Variants in LINGO2 observed in about 807,000 individuals in gnomAD.
The protein encoded by LINGO2 is leucine-rich repeat and immunoglobulin-like domain-containing nogo receptor-interacting protein 2.
In LINGO2, 14 loss-of-function variants were observed where a neutral mutation model predicts 30.6. That is an observed-to-expected ratio of 0.46 (90% CI 0.30 to 0.72). The LOEUF (loss-of-function observed/expected upper bound fraction) is 0.72. Ranked by LOEUF, LINGO2 falls within the 30% of genes least tolerant of loss-of-function variation. The pLI, the probability that LINGO2 is intolerant of heterozygous loss-of-function variation, is 0.07. For missense variants in LINGO2, 729 were observed against 751.7 expected (o/e 0.97, Z 0.35); for synonymous variants, 317 against 288.5 (o/e 1.10, Z -1.00).
rs1298499442 is a variant in LINGO2, at chr9:28,482,171, T to C, written c.-364-6146A>G. ...GGATGGCTGGGTCAAATGGTATTTC[T>C]AGTTCTAGATCCCTGAGGAATCGCC... On this transcript the variant is annotated intron_variant, in intron 1 of 5. Coordinates refer to ENST00000379992, the Ensembl canonical transcript of LINGO2. 2.6e-5 allele frequency among the ~76,000 whole-genome samples: 4 copies of C among 152,010 alleles called. No individual in the cohort carries two copies. The South Asian group carries it at 6.2e-4, about 24-fold the overall frequency.
intron 4 of LINGO2, among the ~76,000 whole-genome samples, chr9:28,281,291 T>C (rs1485700601): frequency 6.6e-6 from 1 of 152,128 alleles, no homozygotes; most frequent in Non-Finnish European, 1.5e-5. Flanking sequence ...TCCAATATTT[T>C]AATGTAGTAT....
intron 4 of LINGO2, among the ~76,000 whole-genome samples, chr9:28,241,820 G>A (rs985257596): frequency 6.6e-6 from 1 of 152,076 alleles, no homozygotes; most frequent in African/African-American, 2.4e-5. Flanking sequence ...ACATCTCCAG[G>A]CATGGAAGTA....
At chr9:28,791,179 G>A in the LINGO2 span, among the ~76,000 whole-genome samples, 24 of 152,000 alleles carry the variant, frequency 1.6e-4, no homozygotes, top group Admixed American at 1.2e-3. Flanking sequence ...GAAAGTGGGC[G>A]AGAGTAAGGT....
intron 4 of LINGO2, among the ~76,000 whole-genome samples, chr9:28,228,315 C>T (rs1038558182): frequency 1.3e-5 from 2 of 151,964 alleles, no homozygotes; most frequent in African/African-American, 2.4e-5. Context: ...GAGAGATCAA[C>T]ATTTTACCCA....
At chr9:28,172,132 C>A (rs1408657361) in intron 4 of LINGO2, among the ~76,000 whole-genome samples, 1 of 151,318 alleles carries the variant, frequency 6.6e-6, no homozygotes, top group Non-Finnish European at 1.5e-5. Context: ...TGGCTCACGC[C>A]TGTAATCCCA....
At chr9:28,598,898 C>A (rs1404999563) in intron 1 of LINGO2, 1 of 152,210 alleles carries the variant, frequency 6.6e-6, no homozygotes, top group East Asian at 1.9e-4. Context: ...GGATCAAGAG[C>A]AAATTCAGTC....
chr9:29,140,972 A>G, the LINGO2 span, among the ~76,000 whole-genome samples: 1 of 152,036 alleles, frequency 6.6e-6, no homozygotes, highest in Non-Finnish European at 1.5e-5. Context: ...ATGTGCCCAG[A>G]AAAACATAGG....
chr9:28,073,785 T>C (rs774671231), intron 4 of LINGO2, among the ~76,000 whole-genome samples: 3 of 152,144 alleles, frequency 2.0e-5, no homozygotes, highest in Admixed American at 6.6e-5. Context: ...CCCAGCCCTT[T>C]GGGGAGCTGA....
At chr9:28,672,793 T>G (rs890946974), upstream of LINGO2, among the ~76,000 whole-genome samples, 22 of 152,264 alleles carry the variant, frequency 1.4e-4, 1 homozygote, top group African/African-American at 5.1e-4. Flanking sequence ...ATGATCATAT[T>G]TATAGATCAG....
the LINGO2 span, among the ~76,000 whole-genome samples, chr9:28,950,681 G>C: frequency 1.3e-5 from 2 of 152,102 alleles, no homozygotes; most frequent in Admixed American, 6.6e-5. Flanking sequence ...AGGAATACAA[G>C]TTACAAGGGA....
chr9:28,387,935 G>A (rs1267297278), intron 2 of LINGO2, among the ~76,000 whole-genome samples: 1 of 152,126 alleles, frequency 6.6e-6, no homozygotes, highest in Non-Finnish European at 1.5e-5. Context: ...CACTCACGGC[G>A]AGGGTCTGCA....
intron 1 of LINGO2, among the ~76,000 whole-genome samples, chr9:28,506,025 G>A (rs920910707): frequency 2.0e-5 from 3 of 151,708 alleles, no homozygotes; most frequent in African/African-American, 7.3e-5. Context: ...GTACTGACCC[G>A]TGGAAAAATT....
intron 4 of LINGO2, among the ~76,000 whole-genome samples, chr9:28,051,615 A>C (rs1824677988): frequency 6.6e-6 from 1 of 152,104 alleles, no homozygotes; most frequent in South Asian, 2.1e-4. Context: ...ATCTCATTCA[A>C]TCTTCACAAT....
At chr9:29,202,765 T>C in the LINGO2 span, among the ~76,000 whole-genome samples, 4 of 152,172 alleles carry the variant, frequency 2.6e-5, no homozygotes, top group Non-Finnish European at 2.9e-5. Context: ...ATACTTTTAG[T>C]TTTAATCTCC....
Position 28,099,172 on chromosome 9 carries a change from T to C in LINGO2, c.-86-86767A>G, listed in dbSNP as rs947630699. Among the ~76,000 whole-genome samples, 5 of 152,300 alleles carry C rather than the reference T, an allele frequency of 3.3e-5. No individual in the cohort carries two copies. The Middle Eastern group carries it at 0.01, about 311-fold the overall frequency. ...CCACAAGGTTCCTTACAGGTGATTTTTTTTTGGTATCTTTCATCTGTACCT... is the reference window on the plus strand; with the variant it reads ...CCACAAGGTTCCTTACAGGTGATTTCTTTTTGGTATCTTTCATCTGTACCT... On this transcript the variant is annotated intron_variant, in intron 4 of 5. Transcript: ENST00000379992.
chr9:28,752,679 A>T, the LINGO2 span, among the ~76,000 whole-genome samples: 1 of 152,052 alleles, frequency 6.6e-6, no homozygotes, highest in South Asian at 2.1e-4. Flanking sequence ...TAGATTCATG[A>T]GGCTCAGAGA....
chr9:28,358,302 T>C (rs971891490), intron 3 of LINGO2, among the ~76,000 whole-genome samples: 19 of 152,152 alleles, frequency 1.2e-4, no homozygotes, highest in Non-Finnish European at 2.5e-4. Flanking sequence ...AGGTCACAGC[T>C]AGTAAGTAAA....
chr9:28,001,871 G>A (rs1238091340), intron 5 of LINGO2, among the ~76,000 whole-genome samples: 5 of 152,160 alleles, frequency 3.3e-5, no homozygotes, highest in Non-Finnish European at 7.3e-5. Context: ...TCTACTCCAA[G>A]CAATGACAAG....
chr9:28,985,124 CTT>C, the LINGO2 span, among the ~76,000 whole-genome samples: 1 of 152,088 alleles, frequency 6.6e-6, no homozygotes, highest in Non-Finnish European at 1.5e-5. Context: ...CAGTATTTGT[CTT>C]TCTGTGCCTG....
Sources: gnomAD v4.1 joint callset for allele counts (sites outside exome capture counted in the v4.1 genomes callset) on GRCh38, gnomAD v4.1.1 for gene constraint, MANE v1.5 for transcripts, NCBI Gene and HGNC (gene_info 2026-07-23, HGNC 2026-07-21) for gene names.